The following PCDHA1 variants were observed in gnomAD, a reference collection of about 807,000 sequenced individuals.
PCDHA1 encodes the protein protocadherin alpha-1.
PCDHA1 carries 42 observed loss-of-function variants against 61.3 expected under a neutral mutation model. The observed-to-expected ratio is 0.69, with a 90% CI of 0.54 to 0.89. PCDHA1 has a LOEUF of 0.89. Among genes scored for constraint, PCDHA1 ranks in the 40% least tolerant of loss-of-function variants. The pLI is 0.00. For synonymous variants in PCDHA1, 610 were observed against 553.8 expected (o/e 1.10, Z -1.43); for missense variants, 1,256 against 1,235.3 (o/e 1.02, Z -0.25).
chr5:140,848,115 A>G, intron 1 of PCDHA1: 1 of 178,506 alleles, frequency 5.6e-6, no homozygotes, highest in Non-Finnish European at 1.2e-5. Flanking sequence ...TAAGAAAACC[A>G]CAATCAAGGT....
intron 1 of PCDHA1, among the ~76,000 whole-genome samples, chr5:140,907,411 G>T (rs1053744231): frequency 6.6e-6 from 1 of 152,192 alleles, no homozygotes; most frequent in Non-Finnish European, 1.5e-5. Flanking sequence ...GGAATACCAC[G>T]ATGGTGGATA....
intron 1 of PCDHA1, among the ~76,000 whole-genome samples, chr5:140,886,964 A>T (rs2061244320): frequency 6.6e-6 from 1 of 152,114 alleles, no homozygotes; most frequent in Admixed American, 6.5e-5. Context: ...TTAGCAACGA[A>T]ATTTATTATT....
At chr5:140,856,441 G>C in intron 1 of PCDHA1, 1 of 1,598,410 alleles carries the variant, frequency 6.3e-7, no homozygotes. Flanking sequence ...ACCCGCCCAG[G>C]TTCTCCGTAA....
At position 140,870,363 on chromosome 5, in the gene PCDHA1, T is replaced by C. The variant is rs782093088; in HGVS notation, c.2394+81679T>C. 1.9e-6 allele frequency: 3 copies of C among 1,614,206 alleles called. No homozygotes were observed. The South Asian group carries it at 3.3e-5, about 18-fold the overall frequency. On this transcript the variant is annotated intron_variant, in intron 1 of 3. Transcript: ENST00000504120. ...TGGACCGCGAGAACGTGTGGGCCTA[T>C]GAACTGGTGGTGACTGCGCGGGATG...
rs1023415818 is a variant in PCDHA1 at position 140,856,852 on chromosome 5, G to A, written c.2394+68168G>A. The stretch of plus-strand genomic sequence containing the variant: ...TAATACGGCTCAACGCTTCTGATTC[G>A]GATGAAGGAATAAACAAGGAAATGA... On this transcript the variant is annotated intron_variant, in intron 1 of 3. Coordinates refer to ENST00000504120, the MANE Select transcript of PCDHA1 (RefSeq NM_018900.4). 5.6e-6 allele frequency: 9 copies of A among 1,593,530 alleles called. No homozygotes were observed. In the African/African-American group the frequency reaches 8.1e-5, roughly 14 times the overall value.
rs182361197 is a variant in PCDHA1, at chr5:140,979,956, T to G, written c.2453+949T>G. 2.0e-5 allele frequency among the ~76,000 whole-genome samples: 3 copies of G among 152,378 alleles called. No homozygotes were observed. In the East Asian group the frequency reaches 5.8e-4, roughly 29 times the overall value. ...GTGTAGAGTTAATGTGAAATTAGTT[T>G]TAGCCCATTAAAATGCATTAGATTG... On this transcript the variant is annotated intron_variant, in intron 2 of 3. Transcript: ENST00000504120.
At chr5:140,937,402 CACA>C (rs1329840101) in intron 1 of PCDHA1, among the ~76,000 whole-genome samples, 1 of 152,034 alleles carries the variant, frequency 6.6e-6, no homozygotes, top group African/African-American at 2.4e-5. Flanking sequence ...AGGGGTATTG[CACA>C]ACTTTTATTA....
chr5:140,855,098 A>G (rs1204884452), intron 1 of PCDHA1, among the ~76,000 whole-genome samples: 1 of 149,990 alleles, frequency 6.7e-6, no homozygotes, highest in African/African-American at 2.4e-5. Flanking sequence ...CCTGTGCAGT[A>G]GCAATAATTA....
intron 1 of PCDHA1, among the ~76,000 whole-genome samples, chr5:140,941,595 A>T (rs1273931279): frequency 6.6e-6 from 1 of 152,016 alleles, no homozygotes; most frequent in African/African-American, 2.4e-5. Context: ...GATTACAGCC[A>T]TGAGCCATGG....
intron 1 of PCDHA1, among the ~76,000 whole-genome samples, chr5:140,821,358 A>G (rs1766954741): frequency 1.3e-5 from 2 of 152,132 alleles, no homozygotes; most frequent in South Asian, 4.1e-4. Context: ...CTTTAGATGT[A>G]TTTTTCTGTA....
At chr5:140,968,008 CT>C (rs782634586) in intron 1 of PCDHA1, 1 of 1,614,202 alleles carries the variant, frequency 6.2e-7, no homozygotes, top group Non-Finnish European at 8.5e-7. Context: ...GACTGAATGG[CT>C]TTGGAAACTC....
intron 1 of PCDHA1, among the ~76,000 whole-genome samples, chr5:140,925,206 G>C (rs576558414): frequency 6.6e-6 from 1 of 152,116 alleles, no homozygotes; most frequent in African/African-American, 2.4e-5. Context: ...AATAATTATC[G>C]ATACTTTTAG....
At chr5:140,850,526 G>A (rs2150487958) in intron 1 of PCDHA1, 8 of 1,598,220 alleles carry the variant, frequency 5.0e-6, no homozygotes, top group Admixed American at 1.7e-5. Context: ...AGGCGCCAAA[G>A]TCATCGTCGC....
chr5:140,841,209 T>A (rs1777094069), intron 1 of PCDHA1: 4 of 1,385,024 alleles, frequency 2.9e-6, no homozygotes, highest in Non-Finnish European at 3.9e-6. Context: ...AGCATCTGTC[T>A]CTAAAGGCCG....
intron 1 of PCDHA1, chr5:140,850,107 C>G (rs2150467518): frequency 6.3e-7 from 1 of 1,596,166 alleles, no homozygotes; most frequent in East Asian, 2.2e-5. Context: ...GGTGAGCGCG[C>G]GCGACGCGGG....
intron 1 of PCDHA1, chr5:140,860,992 T>C (rs173699): frequency 1 from 152,392 of 152,392 alleles, 76,196 homozygotes; most frequent in Non-Finnish European, 1. Context: ...CGGCCTCGGC[T>C]TCCCAAAGTG....
intron 1 of PCDHA1, chr5:140,877,726 C>T (rs781814794): frequency 6.2e-7 from 1 of 1,614,174 alleles, no homozygotes; most frequent in African/African-American, 1.3e-5. Context: ...GTCTTACTCG[C>T]AGCAGAGGAG....
chr5:140,911,849 T>C (rs536574096), intron 1 of PCDHA1, among the ~76,000 whole-genome samples: 4 of 152,314 alleles, frequency 2.6e-5, no homozygotes, highest in African/African-American at 9.6e-5. Flanking sequence ...AACTCCATCC[T>C]TAATAGTCTG....
intron 1 of PCDHA1, among the ~76,000 whole-genome samples, chr5:140,899,462 T>C (rs2067338282): frequency 6.6e-6 from 1 of 152,366 alleles, no homozygotes; most frequent in Admixed American, 6.5e-5. Context: ...GTGGTTTTTG[T>C]CTTTGGTTCT....
Sources: allele counts gnomAD v4.1 joint callset (sites outside exome capture counted in the v4.1 genomes callset), GRCh38; gene constraint gnomAD v4.1.1; transcripts MANE v1.5; gene names NCBI Gene and HGNC (gene_info 2026-07-23, HGNC 2026-07-21).